The following FAM13C variants were observed in gnomAD, a reference collection of about 807,000 sequenced individuals.
FAM13C encodes protein FAM13C.
A neutral mutation model predicts 73.2 loss-of-function variants in FAM13C; 37 were observed. That is an observed-to-expected ratio of 0.51 (90% confidence interval 0.39 to 0.67). The LOEUF is 0.67. Ranked by LOEUF, FAM13C falls within the 30% of genes least tolerant of loss-of-function variation. The pLI, the probability that FAM13C is intolerant of heterozygous loss-of-function variation, is 0.00. For synonymous variants in FAM13C, 246 were observed against 260.9 expected (o/e 0.94, Z 0.55); for missense variants, 589 against 715.6 (o/e 0.82, Z 2.02).
chr10:59,290,992 C>T (rs1005913732), intron 5 of FAM13C, among the ~76,000 whole-genome samples: 1 of 152,264 alleles, frequency 6.6e-6, no homozygotes, highest in South Asian at 2.1e-4. Context: ...GTGCCCATTC[C>T]AGAGATTCTG....
intron 1 of FAM13C, among the ~76,000 whole-genome samples, chr10:59,361,581 A>G (rs1003882654): frequency 5.3e-5 from 8 of 151,874 alleles, no homozygotes; most frequent in Non-Finnish European, 7.4e-5. Flanking sequence ...GCCTAGAGAA[A>G]GAATGCTAGA....
intron 2 of FAM13C, among the ~76,000 whole-genome samples, chr10:59,353,413 A>G (rs1855327565): frequency 6.6e-6 from 1 of 152,132 alleles, no homozygotes; most frequent in Admixed American, 6.5e-5. Context: ...AATCTACCAC[A>G]ATCACTGTCA....
chr10:59,340,856 A>G (rs1263710916), intron 3 of FAM13C, among the ~76,000 whole-genome samples: 2 of 151,732 alleles, frequency 1.3e-5, no homozygotes, highest in Non-Finnish European at 2.9e-5. Flanking sequence ...GCACCAATGT[A>G]ATATTTAGCG....
chr10:59,282,107 ACAGCCAACTGGC>A (rs1231700297), intron 6 of FAM13C: 1 of 152,218 alleles, frequency 6.6e-6, no homozygotes. Flanking sequence ...GGCAACAAAG[ACAGCCAACTGGC>A]CACCTGCATC....
intron 7 of FAM13C, among the ~76,000 whole-genome samples, chr10:59,269,120 A>G (rs991115602): frequency 1.3e-5 from 2 of 152,054 alleles, no homozygotes; most frequent in African/African-American, 4.8e-5. Flanking sequence ...CCTCTTTTCC[A>G]GAAATTGCAT....
chr10:59,251,252 T>TA (rs980701064), intron 13 of FAM13C: 16 of 386,108 alleles, frequency 4.1e-5, no homozygotes, highest in East Asian at 3.4e-4. Flanking sequence ...TTATGTGGGC[T>TA]AAAAAAATCA....
intron 4 of FAM13C, among the ~76,000 whole-genome samples, chr10:59,311,223 G>C (rs2133931971): frequency 6.6e-6 from 1 of 152,354 alleles, no homozygotes; most frequent in Middle Eastern, 3.4e-3. Flanking sequence ...TGGGTGAGCA[G>C]TGAGTCAGGT....
intron 8 of FAM13C, among the ~76,000 whole-genome samples, chr10:59,266,292 A>T (rs1312971571): frequency 6.6e-6 from 1 of 152,184 alleles, no homozygotes; most frequent in Non-Finnish European, 1.5e-5. Flanking sequence ...TCAGATGTAG[A>T]GATGTAGAGA....
chr10:59,285,161 A>G (rs1035397816), intron 5 of FAM13C, among the ~76,000 whole-genome samples: 1 of 152,040 alleles, frequency 6.6e-6, no homozygotes, highest in African/African-American at 2.4e-5. Context: ...ATGGGGTGGG[A>G]CCCGGCGCAA....
At chr10:59,304,834 C>CAGGGGA (rs1300038139) in intron 4 of FAM13C, among the ~76,000 whole-genome samples, 845 of 33,652 alleles carry the variant, frequency 0.025, 47 homozygotes, top group Non-Finnish European at 0.031. Context: ...GGGGAGGGGG[C>CAGGGGA]GGGGGAGGGG....
chr10:59,258,526 G>T (rs1020424560), intron 10 of FAM13C, among the ~76,000 whole-genome samples: 1 of 152,058 alleles, frequency 6.6e-6, no homozygotes, highest in Non-Finnish European at 1.5e-5. Context: ...ATAATTTCTT[G>T]TATATGCTCT....
intron 3 of FAM13C, among the ~76,000 whole-genome samples, chr10:59,343,199 G>A (rs1039126551): frequency 3.3e-5 from 5 of 152,154 alleles, no homozygotes; most frequent in Admixed American, 3.3e-4. Context: ...AGAAATCAAT[G>A]CTAGACCTAC....
chr10:59,304,818 G>GGGAAGGGAAGGGAA (rs1564554063), intron 4 of FAM13C, among the ~76,000 whole-genome samples: 25 of 66,692 alleles, frequency 3.7e-4, no homozygotes, highest in African/African-American at 8.6e-4. Flanking sequence ...GGGAAGGAAA[G>GGGAAGGGAAGGGAA]GGGAAGGGGA....
intron 6 of FAM13C, chr10:59,282,492 A>G (rs1214704785): frequency 3.3e-5 from 5 of 152,154 alleles, no homozygotes. Context: ...CAACAGGAGT[A>G]TCTAAAATGT....
At chr10:59,333,515 T>G (rs1052902148) in intron 3 of FAM13C, among the ~76,000 whole-genome samples, 1 of 152,058 alleles carries the variant, frequency 6.6e-6, no homozygotes, top group Non-Finnish European at 1.5e-5. Context: ...AAAAATAAGT[T>G]TTAAAATCCT....
intron 3 of FAM13C, among the ~76,000 whole-genome samples, chr10:59,345,359 A>G (rs1281565581): frequency 6.6e-6 from 1 of 152,274 alleles, no homozygotes; most frequent in Non-Finnish European, 1.5e-5. Context: ...CAAATAAATT[A>G]CATTGTTTTG....
Position 59,283,229 on chromosome 10 carries a change from C to T in FAM13C, c.592+134G>A, listed in dbSNP as rs1023666764. On this transcript the variant is annotated intron_variant, in intron 6 of 13. Coordinates refer to ENST00000618804, the MANE Select transcript of FAM13C (RefSeq NM_198215.4). ...CCCCCTCAGCAACTCCTGGGCAACT[C>T]AGAAGCACCTCTTGGGCTTTCATGT... 1.1e-5 allele frequency: 10 copies of T among 901,496 alleles called. No homozygotes were observed. The African/African-American group carries it at 1.6e-4, about 15-fold the overall frequency. 55.8% of individuals were successfully genotyped at this position (901,496 alleles called of 1,614,324 possible). A position where few individuals can be genotyped will look rare whatever the true frequency, so the allele number is the denominator to read the frequency against.
chr10:59,342,790 A>C (rs1158959351), intron 3 of FAM13C, among the ~76,000 whole-genome samples: 1 of 152,192 alleles, frequency 6.6e-6, no homozygotes, highest in Non-Finnish European at 1.5e-5. Context: ...CTTCTTAGTT[A>C]CCCAAAATGT....
chr10:59,266,210 A>G (rs980465745), intron 8 of FAM13C, among the ~76,000 whole-genome samples: 2 of 152,184 alleles, frequency 1.3e-5, no homozygotes, highest in African/African-American at 4.8e-5. Flanking sequence ...ACATTCCCTG[A>G]TTCCACTGAA....
Sources: gnomAD v4.1 joint callset for allele counts (sites outside exome capture counted in the v4.1 genomes callset) on GRCh38, gnomAD v4.1.1 for gene constraint, MANE v1.5 for transcripts, NCBI Gene and HGNC (gene_info 2026-07-23, HGNC 2026-07-21) for gene names.